The following PKHD1L1 variants were observed in gnomAD, a reference collection of about 807,000 sequenced individuals.
PKHD1L1 encodes fibrocystin-L.
Under a neutral mutation model 462.9 loss-of-function variants are expected in PKHD1L1, and 434 were observed. The observed-to-expected ratio is 0.94, with a 90% confidence interval of 0.87 to 1.02. The LOEUF (loss-of-function observed/expected upper bound fraction) is 1.02. Ranked by LOEUF, PKHD1L1 falls within the 50% of genes least tolerant of loss-of-function variation. PKHD1L1 has a pLI of 0.00. For synonymous variants in PKHD1L1, 1,781 were observed against 1,750.0 expected (o/e 1.02, Z -0.44); for missense variants, 5,202 against 5,096.1 (o/e 1.02, Z -0.63).
intron 50 of PKHD1L1, chr8:109,470,736 G>A: frequency 6.4e-7 from 1 of 1,562,786 alleles, no homozygotes. Flanking sequence ...AATCTTCTTG[G>A]GACAGCCAGT....
At chr8:109,524,108 T>C (rs1050290389) in intron 76 of PKHD1L1, among the ~76,000 whole-genome samples, 1 of 152,196 alleles carries the variant, frequency 6.6e-6, no homozygotes, top group African/African-American at 2.4e-5. Flanking sequence ...CTCTTGGTGA[T>C]AGAATGTAGA....
intron 56 of PKHD1L1, 134 bp downstream of exon 56, chr8:109,481,696 A>G: frequency 1.1e-6 from 1 of 871,540 alleles, no homozygotes. Context: ...CAAAAGTATC[A>G]GAAGTTTTTA....
chr8:109,423,766 C>A (rs1030738538), intron 23 of PKHD1L1, among the ~76,000 whole-genome samples: 1 of 152,126 alleles, frequency 6.6e-6, no homozygotes, highest in Non-Finnish European at 1.5e-5. Flanking sequence ...CACAGTATGT[C>A]TCTCCAATTA....
At chr8:109,382,734 A>G (rs548959137) in intron 4 of PKHD1L1, among the ~76,000 whole-genome samples, 163 bp downstream of exon 4, 12 of 152,142 alleles carry the variant, frequency 7.9e-5, no homozygotes, top group African/African-American at 2.6e-4. Context: ...CTTCCATAGT[A>G]ATTTAATGTC....
chr8:109,515,084 A>C, intron 71 of PKHD1L1, 86 bp from the exon 72 acceptor site: 4 of 1,070,076 alleles, frequency 3.7e-6, no homozygotes, highest in Non-Finnish European at 5.1e-6. Flanking sequence ...GTTTGCAGAA[A>C]GTATACAATA....
chr8:109,395,358 G>A (rs1029956039), intron 10 of PKHD1L1, among the ~76,000 whole-genome samples: 1 of 152,114 alleles, frequency 6.6e-6, no homozygotes, highest in Non-Finnish European at 1.5e-5. Flanking sequence ...TCCCGGTCAG[G>A]AATAATGGAA....
intron 68 of PKHD1L1, among the ~76,000 whole-genome samples, chr8:109,504,698 G>A (rs997644060): frequency 4.6e-5 from 7 of 152,074 alleles, no homozygotes; most frequent in Non-Finnish European, 2.9e-5. Flanking sequence ...TAATATATAT[G>A]TTTTCTCCCA....
At chr8:109,504,954 G>T (rs1231841357) in intron 68 of PKHD1L1, among the ~76,000 whole-genome samples, 2 of 152,078 alleles carry the variant, frequency 1.3e-5, no homozygotes, top group Non-Finnish European at 2.9e-5. Flanking sequence ...GCTCACTGCA[G>T]CCTCAAACTC....
Position 109,512,817 on chromosome 8 carries a change from C to T in PKHD1L1, c.11553+1883C>T, listed in dbSNP as rs1164362094. 4.6e-5 allele frequency among the ~76,000 whole-genome samples: 7 copies of T among 150,888 alleles called. No individual in the cohort carries two copies. In the East Asian group the frequency reaches 1.4e-3, roughly 29 times the overall value. The stretch of plus-strand genomic sequence containing the variant: ...GGCCATTTTCATGATATTGATTCTT[C>T]CTACCCATGAGCATGGAATGTTCTT... On this transcript the variant is annotated intron_variant, in intron 71 of 77. Transcript: ENST00000378402.
chr8:109,414,358 A>G (rs919218230), intron 21 of PKHD1L1, among the ~76,000 whole-genome samples: 3 of 152,182 alleles, frequency 2.0e-5, no homozygotes, highest in African/African-American at 7.2e-5. Flanking sequence ...ACATGTATAC[A>G]GTCACGTAAC....
intron 6 of PKHD1L1, among the ~76,000 whole-genome samples, chr8:109,387,254 T>G (rs1812489512): frequency 6.6e-6 from 1 of 152,130 alleles, no homozygotes; most frequent in African/African-American, 2.4e-5. Context: ...TGCAAATGGA[T>G]AGAGGGATTA....
chr8:109,442,338 T>C (rs986008567), intron 35 of PKHD1L1, 143 bp downstream of exon 35: 1 of 791,540 alleles, frequency 1.3e-6, no homozygotes, highest in African/African-American at 1.8e-5. Flanking sequence ...ATTGCTGCAG[T>C]AAAAATGTTA....
At chr8:109,402,617 C>G (rs1308709561) in intron 14 of PKHD1L1, among the ~76,000 whole-genome samples, 1 of 152,162 alleles carries the variant, frequency 6.6e-6, no homozygotes, top group Non-Finnish European at 1.5e-5. Flanking sequence ...CTGTCTGTGT[C>G]ATATTTGCTA....
chr8:109,400,507 A>G (rs1171129029), intron 13 of PKHD1L1, among the ~76,000 whole-genome samples, 163 bp downstream of exon 13: 1 of 152,090 alleles, frequency 6.6e-6, no homozygotes, highest in Non-Finnish European at 1.5e-5. Flanking sequence ...TACAAGATAT[A>G]AGATGATAGA....
intron 21 of PKHD1L1, among the ~76,000 whole-genome samples, chr8:109,415,363 A>G (rs1479490950): frequency 6.6e-6 from 1 of 152,180 alleles, no homozygotes; most frequent in African/African-American, 2.4e-5. Flanking sequence ...TTAGAAATTC[A>G]TATACTCTAA....
chr8:109,445,136 C>T lies in PKHD1L1; in HGVS notation c.5267C>T (p.Pro1756Leu). ...SITPYITGVF[P>L]NSVIGSVKVL... ...ACTCCTTACATAACAGGAGTCTTCC[C>T]AAACTCTGTCATAGGATCTGTAAAA... Residue 1756 changes from proline (P) to leucine (L), a missense_variant, in exon 38 of 78, where the codon CCA (proline) becomes CTA (leucine). Coordinates refer to ENST00000378402, the MANE Select transcript of PKHD1L1 (RefSeq NM_177531.6). 1.2e-6 allele frequency: 2 copies of T among 1,613,924 alleles called. No individual in the cohort carries two copies. Among genetic ancestry groups the T allele is most frequent in the South Asian group, 1.1e-5 (1 of 91,082 alleles).
chr8:109,376,966 T>C (rs974008400), intron 2 of PKHD1L1, among the ~76,000 whole-genome samples: 1 of 152,066 alleles, frequency 6.6e-6, no homozygotes, highest in African/African-American at 2.4e-5. Flanking sequence ...GAACTGGAGG[T>C]GAGAGGCTTT....
chr8:109,415,865 GTGTGT>G (rs1417346445), intron 21 of PKHD1L1, among the ~76,000 whole-genome samples: 2 of 34,772 alleles, frequency 5.8e-5, no homozygotes, highest in African/African-American at 3.6e-4. Context: ...AAAAAAAGGG[GTGTGT>G]GTGTGTGTGT....
At position 109,446,163 on chromosome 8, in the gene PKHD1L1, C is replaced by A. The variant is rs189642716; in HGVS notation, c.5776+518C>A. ...ATTTTCTTAATTACTTAGCATGACT[C>A]ATTTTTCTAATTTAACAATAGGTTG... On this transcript the variant is annotated intron_variant, in intron 38 of 77. Coordinates refer to ENST00000378402, the MANE Select transcript of PKHD1L1 (RefSeq NM_177531.6). Among the ~76,000 whole-genome samples the A allele has an allele frequency of 2.1e-3, 326 of 152,240 alleles. 5 individuals are homozygous for A. In the South Asian group the frequency reaches 0.033, roughly 15 times the overall value.
Sources: allele counts gnomAD v4.1 joint callset (sites outside exome capture counted in the v4.1 genomes callset), GRCh38; gene constraint gnomAD v4.1.1; transcripts MANE v1.5; gene names NCBI Gene and HGNC (gene_info 2026-07-23, HGNC 2026-07-21).